The following COPG2 variants were observed in gnomAD, a reference collection of about 807,000 sequenced individuals.
The protein encoded by COPG2 is coatomer subunit gamma-2.
Under a neutral mutation model 46.3 loss-of-function variants are expected in COPG2, and 37 were observed. The ratio of observed to expected loss-of-function variants is 0.80; its 90% CI spans 0.61 to 1.05. The LOEUF is 1.05. COPG2 is among the 50% of genes least tolerant of loss of function. The pLI, the probability that COPG2 is intolerant of heterozygous loss-of-function variation, is 0.00. For synonymous variants in COPG2, 159 were observed against 129.7 expected, an observed-to-expected ratio of 1.23 and a Z score of -1.53; for missense variants, 427 against 387.8, an observed-to-expected ratio of 1.10 and a Z score of -0.85.
intron 5 of COPG2, among the ~76,000 whole-genome samples, chr7:130,643,215 A>T (rs1162109255): frequency 6.6e-6 from 1 of 151,960 alleles, no homozygotes; most frequent in African/African-American, 2.4e-5. Flanking sequence ...GGATGGCATG[A>T]ACCCGGGAGG....
At chr7:130,611,177 G>C (rs560521541) in intron 8 of COPG2, 67 bp from the exon 9 acceptor site, 9 of 1,387,864 alleles carry the variant, frequency 6.5e-6, no homozygotes, top group Non-Finnish European at 8.9e-6. Context: ...CACAAAAATA[G>C]AATTACACGG....
chr7:130,668,154 ACCTGGACAGAGC>A (rs1796126449), intron 1 of COPG2, among the ~76,000 whole-genome samples: 1 of 152,078 alleles, frequency 6.6e-6, no homozygotes, highest in African/African-American at 2.4e-5. Context: ...GCCCCCGGGG[ACCTGGACAGAGC>A]CGGTGACCCC....
chr7:130,569,406 T>A (rs1208569264), intron 9 of COPG2, among the ~76,000 whole-genome samples: 1 of 151,948 alleles, frequency 6.6e-6, no homozygotes, highest in East Asian at 1.9e-4. Flanking sequence ...ATACAAAAGA[T>A]CATTCAAGGC....
At position 130,610,941 on chromosome 7, in the gene COPG2, G is replaced by A; in HGVS notation, c.737+12C>T. 5.6e-6 allele frequency: 9 copies of A among 1,613,608 alleles called. No individual in the cohort carries two copies. Among genetic ancestry groups the A allele is most frequent in the Non-Finnish European group, 6.8e-6 (8 of 1,179,574 alleles). On this transcript the variant is annotated intron_variant, in intron 9 of 23. Coordinates refer to ENST00000425248, the MANE Select transcript of COPG2 (RefSeq NM_012133.6). ...AATGGAAAATAACCCAGGTTTAGGT[G>A]AAGACACTTACCCATCCTCAGTTTC...
chr7:130,546,087 C>A (rs1793438636), intron 20 of COPG2, among the ~76,000 whole-genome samples: 1 of 152,056 alleles, frequency 6.6e-6, no homozygotes, highest in South Asian at 2.1e-4. Flanking sequence ...CATTTCACTT[C>A]CCTCTGAAAT....
At chr7:130,520,354 T>C (rs1182503677) in intron 20 of COPG2, among the ~76,000 whole-genome samples, 1 of 152,128 alleles carries the variant, frequency 6.6e-6, no homozygotes, top group Non-Finnish European at 1.5e-5. Context: ...GAGGAGAAGA[T>C]GCTTGGTTGG....
chr7:130,648,819 T>C (rs1795672391), intron 5 of COPG2, among the ~76,000 whole-genome samples: 1 of 152,238 alleles, frequency 6.6e-6, no homozygotes, highest in African/African-American at 2.4e-5. Flanking sequence ...AACCAGCGTG[T>C]ATTTAAAGCT....
intron 20 of COPG2, among the ~76,000 whole-genome samples, chr7:130,520,911 C>T (rs1224752016): frequency 6.6e-6 from 1 of 152,146 alleles, no homozygotes; most frequent in African/African-American, 2.4e-5. Flanking sequence ...ACAAACATGT[C>T]TGCTAATGAA....
At chr7:130,603,641 A>G (rs1471496428) in intron 9 of COPG2, among the ~76,000 whole-genome samples, 4 of 151,326 alleles carry the variant, frequency 2.6e-5, no homozygotes, top group Non-Finnish European at 5.9e-5. Flanking sequence ...GAATCAATTG[A>G]ACCCGGGAGG....
intron 20 of COPG2, among the ~76,000 whole-genome samples, chr7:130,531,722 T>C (rs887941995): frequency 3.8e-4 from 58 of 151,730 alleles, no homozygotes; most frequent in African/African-American, 1.4e-3. Context: ...GATTAAGAAG[T>C]TAAAGGAAAG....
chr7:130,569,806 C>T (rs1352572279), intron 9 of COPG2, among the ~76,000 whole-genome samples: 1 of 152,094 alleles, frequency 6.6e-6, no homozygotes, highest in African/African-American at 2.4e-5. Flanking sequence ...CAGAAATCCT[C>T]AACAAAATAT....
At chr7:130,643,274 G>C (rs149981715) in intron 5 of COPG2, among the ~76,000 whole-genome samples, 3,184 of 150,362 alleles carry the variant, frequency 0.021, 91 homozygotes, top group African/African-American at 0.066. Context: ...CAGCCTGGGC[G>C]ACAGAGCGAG....
At chr7:130,546,525 G>T (rs1319984133) in intron 20 of COPG2, among the ~76,000 whole-genome samples, 6 of 152,136 alleles carry the variant, frequency 3.9e-5, no homozygotes, top group African/African-American at 1.4e-4. Flanking sequence ...CCTACTCAGG[G>T]GGTTATGGAT....
intron 12 of COPG2, 103 bp downstream of exon 12, chr7:130,560,930 C>G (rs1288785482): frequency 2.5e-6 from 1 of 397,168 alleles, no homozygotes; most frequent in East Asian, 3.6e-5. Flanking sequence ...ATAAATTAGA[C>G]TTCATAAAAA....
intron 9 of COPG2, among the ~76,000 whole-genome samples, chr7:130,566,057 T>C (rs1793797904): frequency 4.6e-5 from 7 of 152,118 alleles, no homozygotes; most frequent in South Asian, 4.1e-4. Context: ...CCTCATAAGT[T>C]TGATTTAGAA....
At chr7:130,622,978 T>C (rs1205529792) in intron 5 of COPG2, among the ~76,000 whole-genome samples, 4 of 152,188 alleles carry the variant, frequency 2.6e-5, no homozygotes, top group South Asian at 2.1e-4. Context: ...ATGAGTACGG[T>C]AGCACTTTCC....
rs1213063618 is a variant in COPG2 at position 130,506,690 on chromosome 7, CTAAGA to C, written c.2597_2601del (p.Ile866SerfsTer14). 1.3e-6 allele frequency: 1 copy of C among 779,742 alleles called. No homozygotes were observed. The highest frequency in any genetic ancestry group is 2.4e-6 in the Non-Finnish European group (1 of 417,418). The allele number at this position is 779,742 out of a possible 1,614,324, so 48.3% of individuals were successfully genotyped here. ...CCAGTAAGCATTTATCCAACAGAAG[CTAAGA>C]TAACATCTACAGGTGTTCTCTCTTT... On this transcript the variant is annotated frameshift_variant, in exon 24 of 24. Coordinates refer to ENST00000425248, the MANE Select transcript of COPG2 (RefSeq NM_012133.6). LOFTEE classifies it high-confidence loss of function.
intron 9 of COPG2, among the ~76,000 whole-genome samples, chr7:130,577,317 C>T (rs533701897): frequency 1.1e-4 from 17 of 152,320 alleles, no homozygotes; most frequent in African/African-American, 3.6e-4. Flanking sequence ...GTGCACGCAC[C>T]GTGCGCAAGC....
At chr7:130,582,594 C>G (rs1239927971) in intron 9 of COPG2, among the ~76,000 whole-genome samples, 6 of 150,670 alleles carry the variant, frequency 4.0e-5, no homozygotes, top group Admixed American at 4.0e-4. Flanking sequence ...TTGCAACCTA[C>G]TCATCTGACA....
Sources: allele counts gnomAD v4.1 joint callset (sites outside exome capture counted in the v4.1 genomes callset), GRCh38; gene constraint gnomAD v4.1.1; transcripts MANE v1.5; gene names NCBI Gene and HGNC (gene_info 2026-07-23, HGNC 2026-07-21).